The following ASAP2 variants were observed in gnomAD, a reference collection of about 807,000 sequenced individuals.
ASAP2 encodes ArfGAP with SH3 domain, ankyrin repeat and PH domain 2.
Under a neutral mutation model 131.4 loss-of-function variants are expected in ASAP2, and 45 were observed. The ratio of observed to expected loss-of-function variants is 0.34; its 90% CI spans 0.27 to 0.44. The LOEUF (loss-of-function observed/expected upper bound fraction) is 0.44. Ranked by LOEUF, ASAP2 falls within the 20% of genes least tolerant of loss-of-function variation. The pLI is 1.00. For synonymous variants in ASAP2, 510 were observed against 503.0 expected, an observed-to-expected ratio of 1.01 and a Z score of -0.19; for missense variants, 1,011 against 1,297.0, an observed-to-expected ratio of 0.78 and a Z score of 3.39.
intron 1 of ASAP2, among the ~76,000 whole-genome samples, chr2:9,274,604 T>C (rs572048993): frequency 2.0e-4 from 30 of 152,238 alleles, no homozygotes; most frequent in African/African-American, 7.0e-4. Flanking sequence ...ATTACAGGCA[T>C]GAGCCACCGC....
intron 3 of ASAP2, among the ~76,000 whole-genome samples, chr2:9,302,139 T>TC (rs1553308149): frequency 9.5e-5 from 13 of 137,460 alleles, no homozygotes; most frequent in South Asian, 2.3e-4. Flanking sequence ...TTTTTTTTTT[T>TC]CCCAAACACA....
chr2:9,317,646 T>A (rs1334937988), intron 3 of ASAP2, among the ~76,000 whole-genome samples: 1 of 141,446 alleles, frequency 7.1e-6, no homozygotes, highest in Non-Finnish European at 1.5e-5. Context: ...ATACACACAT[T>A]TACACACTTA....
At chr2:9,244,754 A>T (rs889524868) in intron 1 of ASAP2, among the ~76,000 whole-genome samples, 4 of 152,234 alleles carry the variant, frequency 2.6e-5, no homozygotes, top group African/African-American at 7.2e-5. Context: ...AAGTGTTTGT[A>T]GGAAGAACAG....
rs904816867 is a variant in ASAP2 at position 9,281,620 on chromosome 2, G to T, written c.199+2231G>T. Among the ~76,000 whole-genome samples, 1 of 152,114 alleles carries T rather than the reference G, an allele frequency of 6.6e-6. No homozygotes were observed. Among genetic ancestry groups the T allele is most frequent in the Non-Finnish European group, 1.5e-5 (1 of 68,036 alleles). On this transcript the variant is annotated intron_variant, in intron 2 of 27. Transcript: ENST00000281419. The surrounding 1 kb of genome is among the most constrained non-coding windows in gnomAD (Gnocchi z 4.0). The stretch of plus-strand genomic sequence containing the variant: ...TTTTTCATCACCCTCTTTGAAGTTC[G>T]TGGAAGTCAGTTCCAGAGCATGGGA...
chr2:9,240,245 ATTTTTTTT>A (rs34070129), intron 1 of ASAP2, among the ~76,000 whole-genome samples: 4 of 127,074 alleles, frequency 3.1e-5, no homozygotes, highest in Admixed American at 1.6e-4. Context: ...TCCTCCCATA[ATTTTTTTT>A]TTTTTTTTTT....
intron 1 of ASAP2, chr2:9,271,142 T>C: frequency 4.1e-6 from 2 of 484,688 alleles, no homozygotes; most frequent in Middle Eastern, 5.2e-4. Context: ...CATGAAGGAG[T>C]TACACTAGTC....
At chr2:9,378,035 C>T (rs1572587899) in intron 18 of ASAP2, among the ~76,000 whole-genome samples, 1 of 152,120 alleles carries the variant, frequency 6.6e-6, no homozygotes, top group Admixed American at 6.5e-5. Flanking sequence ...TTCTTTTTTT[C>T]CAGAGTGGAA....
At chr2:9,322,958 G>C (rs544642345) in intron 5 of ASAP2, among the ~76,000 whole-genome samples, 163 bp from the exon 6 acceptor site, 2 of 152,270 alleles carry the variant, frequency 1.3e-5, no homozygotes, top group Admixed American at 6.5e-5. Flanking sequence ...TGACATCTTC[G>C]TGAGGACACC....
At chr2:9,337,168 A>G (rs10206005) in intron 9 of ASAP2, among the ~76,000 whole-genome samples, 3,877 of 152,310 alleles carry the variant, frequency 0.025, 172 homozygotes, top group African/African-American at 0.089. Flanking sequence ...AACCTCCTTT[A>G]CTATTCTTCT....
chr2:9,234,012 GA>G (rs1454186042), intron 1 of ASAP2, among the ~76,000 whole-genome samples: 14 of 151,188 alleles, frequency 9.3e-5, no homozygotes, highest in African/African-American at 3.4e-4. Flanking sequence ...TCGGGAGGCT[GA>G]GGCATGAGAA....
In ASAP2 at chr2:9,380,997, G is replaced by A. The variant is rs146124852; in HGVS notation, c.2016+189G>A. On this transcript the variant is annotated intron_variant, in intron 20 of 27. Coordinates refer to ENST00000281419, the MANE Select transcript of ASAP2 (RefSeq NM_003887.3). Reference sequence around the variant, plus strand: ...GGGAGTCTACAGGGAAACCTAGGGGGACCCACCCCTCGCAGTGAGACTTGG... The same window carrying A: ...GGGAGTCTACAGGGAAACCTAGGGGAACCCACCCCTCGCAGTGAGACTTGG... Among the ~76,000 whole-genome samples the A allele has an allele frequency of 8.3e-3, 1,261 of 152,314 alleles. 9 individuals are homozygous for A. Among genetic ancestry groups the A allele is most frequent in the Middle Eastern group, 0.02 (6 of 294 alleles).
At position 9,207,565 on chromosome 2, in the gene ASAP2, G is replaced by A. The variant is rs1371343142; in HGVS notation, c.126+335G>A. ...ATCCCGCTGCCCGCCGCCGCCCGCC[G>A]CCGCCCGGGGTCTTTGGTACCCGGT... is the stretch of plus-strand genomic sequence containing the variant. On this transcript the variant is annotated intron_variant, in intron 1 of 27. Transcript: ENST00000281419. This position sits in a 1 kb window ranked among gnomAD's most constrained non-coding sequence, Gnocchi z 4.1. 3.3e-5 allele frequency among the ~76,000 whole-genome samples: 5 copies of A among 152,120 alleles called. No homozygotes were observed. In the East Asian group the frequency reaches 5.8e-4, roughly 18 times the overall value.
intron 1 of ASAP2, among the ~76,000 whole-genome samples, chr2:9,262,606 G>A (rs1665653365): frequency 6.6e-6 from 1 of 152,200 alleles, no homozygotes; most frequent in Non-Finnish European, 1.5e-5. Context: ...TGTAACTGAT[G>A]CACTTGTCTC....
intron 16 of ASAP2, among the ~76,000 whole-genome samples, chr2:9,373,135 G>A (rs1294466329): frequency 6.6e-6 from 1 of 152,118 alleles, no homozygotes; most frequent in Non-Finnish European, 1.5e-5. Context: ...GCATGTGCCG[G>A]GGGACGTTGA....
At chr2:9,278,319 C>G (rs747239453) in intron 1 of ASAP2, among the ~76,000 whole-genome samples, 1 of 152,018 alleles carries the variant, frequency 6.6e-6, no homozygotes, top group Non-Finnish European at 1.5e-5. Flanking sequence ...TTGAGACCAT[C>G]CTGTCTAACA....
rs1399422210 is a variant in ASAP2, at chr2:9,301,863, G to T, written c.345+4418G>T. Among the ~76,000 whole-genome samples the T allele has an allele frequency of 3.5e-5, 4 of 113,360 alleles. No homozygotes were observed. In the Admixed American group the frequency reaches 3.6e-4, roughly 10 times the overall value. The allele number at this position is 113,360 out of a possible 152,430, so 74.4% of individuals were successfully genotyped here. On this transcript the variant is annotated intron_variant, in intron 3 of 27. Coordinates refer to ENST00000281419, the MANE Select transcript of ASAP2 (RefSeq NM_003887.3). ...TTTTGAGACGGAGTCTCGTTCTGTT[G>T]TCCAGGCTGGAGTGCAGTGGCACAA...
intron 7 of ASAP2, among the ~76,000 whole-genome samples, chr2:9,331,942 G>A (rs1481701686): frequency 5.9e-5 from 9 of 152,108 alleles, no homozygotes; most frequent in Non-Finnish European, 1.3e-4. Context: ...GGAGGGAGGG[G>A]CGGGTGTCAC....
chr2:9,359,533 A>G (rs1672950346), intron 15 of ASAP2, among the ~76,000 whole-genome samples: 1 of 152,244 alleles, frequency 6.6e-6, no homozygotes. Flanking sequence ...ATGAGCTTTC[A>G]TGACTGTCTT....
At position 9,356,359 on chromosome 2, in the gene ASAP2, C is replaced by T; in HGVS notation, c.1327+14C>T. On this transcript the variant is annotated intron_variant, in intron 14 of 27. Coordinates refer to ENST00000281419, the MANE Select transcript of ASAP2 (RefSeq NM_003887.3). ...GTGGGGCGCCAGGTGACCCAGGGAC[C>T]CCACCCGACCCTGGGCTCTAGGACA... The T allele has an allele frequency of 1.3e-6, 2 of 1,565,100 alleles. No homozygotes were observed. The highest frequency in any genetic ancestry group is 1.7e-6 in the Non-Finnish European group (2 of 1,157,656).
Sources: gnomAD v4.1 joint callset for allele counts (sites outside exome capture counted in the v4.1 genomes callset) on GRCh38, gnomAD v4.1.1 for gene constraint, Gnocchi (gnomAD v3.1) non-coding constraint, MANE v1.5 for transcripts, NCBI Gene and HGNC (gene_info 2026-07-23, HGNC 2026-07-21) for gene names.